Variants in LIN52 observed in about 807,000 individuals in gnomAD.
LIN52 encodes the protein lin-52 DREAM MuvB core complex component.
In LIN52, 4 loss-of-function variants were observed where a neutral mutation model predicts 18.5. That is an observed-to-expected ratio of 0.22 (90% CI 0.11 to 0.49). LIN52 has a LOEUF of 0.49. LIN52 is among the 20% of genes least tolerant of loss of function. The pLI is 0.97. For synonymous variants in LIN52, 34 were observed against 45.5 expected, an observed-to-expected ratio of 0.75 and a Z score of 1.02; for missense variants, 102 against 139.5, an observed-to-expected ratio of 0.73 and a Z score of 1.35.
chr14:74,131,751 G>A (rs925018305), intron 5 of LIN52, among the ~76,000 whole-genome samples: 8 of 152,080 alleles, frequency 5.3e-5, no homozygotes, highest in African/African-American at 1.9e-4. Flanking sequence ...TGAATTTTCT[G>A]TTATACTGTT....
rs2078932190 is a variant in LIN52, at chr14:74,199,106, C to T, written c.*129C>T. ...GTGTACCTCCAGGACTGCCCTCTCC[C>T]CTGCTCCTGGCACTCTACACGTCTG... On this transcript the variant is annotated 3_prime_UTR_variant, in exon 6 of 6. Transcript: ENST00000555028. 7 of 656,308 alleles carry T rather than the reference C, an allele frequency of 1.1e-5. No individual in the cohort carries two copies. Among genetic ancestry groups the T allele is most frequent in the South Asian group, 9.0e-5 (5 of 55,492 alleles). The allele number at this position is 656,308 out of a possible 1,614,324, so 40.7% of individuals were successfully genotyped here.
chr14:74,092,315 GT>G (rs71115955), intron 2 of LIN52, among the ~76,000 whole-genome samples: 16,473 of 130,016 alleles, frequency 0.13, 1,219 homozygotes, highest in Admixed American at 0.21. Flanking sequence ...ATATATATAT[GT>G]TTTTTTTAGA....
intron 5 of LIN52, among the ~76,000 whole-genome samples, chr14:74,103,697 G>C (rs2139885772): frequency 7.1e-6 from 1 of 140,598 alleles, no homozygotes; most frequent in Middle Eastern, 5.0e-3. Flanking sequence ...CTCCCAAAGT[G>C]CTGGGATTAC....
chr14:74,118,755 C>T (rs1165912466), intron 5 of LIN52, among the ~76,000 whole-genome samples: 1 of 152,096 alleles, frequency 6.6e-6, no homozygotes, highest in East Asian at 1.9e-4. Flanking sequence ...GCCTGGGTGA[C>T]AGGAGTGAGA....
At chr14:74,145,318 G>T (rs554749613) in intron 5 of LIN52, among the ~76,000 whole-genome samples, 1 of 152,212 alleles carries the variant, frequency 6.6e-6, no homozygotes, top group South Asian at 2.1e-4. Flanking sequence ...TTACTTTTAT[G>T]TGTGCCCTCC....
At chr14:74,158,125 A>ATATTTTT (rs1490797271) in intron 5 of LIN52, among the ~76,000 whole-genome samples, 7 of 147,766 alleles carry the variant, frequency 4.7e-5, no homozygotes, top group African/African-American at 1.7e-4. Flanking sequence ...ATATATATAT[A>ATATTTTT]TTTTTTTGAG....
intron 5 of LIN52, among the ~76,000 whole-genome samples, chr14:74,126,945 T>G (rs2139932064): frequency 6.6e-6 from 1 of 152,340 alleles, no homozygotes; most frequent in South Asian, 2.1e-4. Context: ...AAATTTAAAA[T>G]ATTATTACAT....
chr14:74,168,048 A>G (rs1301535531), intron 5 of LIN52, among the ~76,000 whole-genome samples: 1 of 152,248 alleles, frequency 6.6e-6, no homozygotes, highest in African/African-American at 2.4e-5. Context: ...TGGACCCTCA[A>G]GAAGTACTGA....
intron 5 of LIN52, among the ~76,000 whole-genome samples, chr14:74,187,715 GTTGAATTAACTT>G (rs1327902474): frequency 6.6e-6 from 1 of 152,134 alleles, no homozygotes; most frequent in Non-Finnish European, 1.5e-5. Context: ...ACAAGTGTCG[GTTGAATTAACTT>G]TTGTAAATGT....
At chr14:74,194,106 T>C (rs1015945399) in intron 5 of LIN52, among the ~76,000 whole-genome samples, 1 of 152,214 alleles carries the variant, frequency 6.6e-6, no homozygotes, top group South Asian at 2.1e-4. Context: ...CTTTCTGTAA[T>C]AAAACCCATA....
At chr14:74,113,155 G>C in intron 5 of LIN52, among the ~76,000 whole-genome samples, 1 of 152,184 alleles carries the variant, frequency 6.6e-6, no homozygotes, top group East Asian at 1.9e-4. Context: ...CACTTTGGAA[G>C]GCTGAGTTGG....
chr14:74,115,730 C>G (rs868052447), intron 5 of LIN52, among the ~76,000 whole-genome samples: 26 of 152,012 alleles, frequency 1.7e-4, no homozygotes, highest in African/African-American at 5.6e-4. Context: ...CTCATTTTTC[C>G]CTTGGTTAAC....
At chr14:74,132,908 A>C (rs921968432) in intron 5 of LIN52, among the ~76,000 whole-genome samples, 2 of 152,174 alleles carry the variant, frequency 1.3e-5, no homozygotes, top group African/African-American at 4.8e-5. Flanking sequence ...AATATATAAA[A>C]TGAAAATGAC....
intron 5 of LIN52, among the ~76,000 whole-genome samples, chr14:74,188,917 C>G (rs2061351498): frequency 6.6e-6 from 1 of 152,098 alleles, no homozygotes; most frequent in South Asian, 2.1e-4. Context: ...TTTCCCTTCC[C>G]TGGGGGTCAA....
At position 74,198,193 on chromosome 14, in the gene LIN52, G is replaced by A. The variant is rs2078926839; in HGVS notation, c.284-729G>A. ...ATGGGAGACCTCTGGAGTAGCCCTT[G>A]TAATTGAGAAATGTTTTACTTTCAT... On this transcript the variant is annotated intron_variant, in intron 5 of 5. Transcript: ENST00000555028. Among the ~76,000 whole-genome samples, 3 of 152,340 alleles carry A rather than the reference G, an allele frequency of 2.0e-5. No homozygotes were observed. In the South Asian group the frequency reaches 6.2e-4, roughly 32 times the overall value.
chr14:74,110,093 G>A (rs1162265642), intron 5 of LIN52, among the ~76,000 whole-genome samples: 1 of 152,042 alleles, frequency 6.6e-6, no homozygotes, highest in Non-Finnish European at 1.5e-5. Flanking sequence ...ATGTAAATAA[G>A]GTAACACTGA....
chr14:74,129,964 G>A (rs2061051233), intron 5 of LIN52, among the ~76,000 whole-genome samples: 1 of 152,160 alleles, frequency 6.6e-6, no homozygotes, highest in South Asian at 2.1e-4. Flanking sequence ...AGAAGGCAAG[G>A]AGGAAAACAT....
intron 5 of LIN52, among the ~76,000 whole-genome samples, chr14:74,177,712 TGG>T (rs939863343): frequency 2.0e-5 from 3 of 152,224 alleles, no homozygotes; most frequent in Non-Finnish European, 2.9e-5. Context: ...TTGGCTATCT[TGG>T]GGCATGAAAA....
chr14:74,086,552 G>T (rs554888084), intron 1 of LIN52, among the ~76,000 whole-genome samples: 6 of 152,062 alleles, frequency 3.9e-5, no homozygotes, highest in Non-Finnish European at 7.4e-5. Flanking sequence ...TACTTGGGGG[G>T]GCTGAGGCAA....
Sources: gnomAD v4.1 joint callset for allele counts (sites outside exome capture counted in the v4.1 genomes callset) on GRCh38, gnomAD v4.1.1 for gene constraint, MANE v1.5 for transcripts, NCBI Gene and HGNC (gene_info 2026-07-23, HGNC 2026-07-21) for gene names.